The following AGAP1 variants were observed in gnomAD, a reference collection of about 807,000 sequenced individuals.
The protein encoded by AGAP1 is arf-GAP with GTPase, ANK repeat and PH domain-containing protein 1.
Under a neutral mutation model 105.3 loss-of-function variants are expected in AGAP1, and 29 were observed. The ratio of observed to expected loss-of-function variants is 0.28; its 90% CI spans 0.21 to 0.38. The LOEUF (loss-of-function observed/expected upper bound fraction) is 0.38. Among genes scored for constraint, AGAP1 ranks in the 10% least tolerant of loss-of-function variants. The pLI is 1.00. For synonymous variants in AGAP1, 509 were observed against 485.9 expected, an observed-to-expected ratio of 1.05 and a Z score of -0.63; for missense variants, 998 against 1,165.1, an observed-to-expected ratio of 0.86 and a Z score of 2.09.
chr2:236,052,934 G>T (rs2057947413), intron 16 of AGAP1, among the ~76,000 whole-genome samples: 1 of 152,240 alleles, frequency 6.6e-6, no homozygotes. Context: ...AAGTGGGGAT[G>T]TTGAAGTGGT....
At position 235,609,600 on chromosome 2, in the gene AGAP1, G is replaced by C. The variant is rs1946059942; in HGVS notation, c.164-99579G>C. Among the ~76,000 whole-genome samples the C allele has an allele frequency of 6.6e-6, 1 of 152,236 alleles. No homozygotes were observed. Among genetic ancestry groups the C allele is most frequent in the South Asian group, 2.1e-4 (1 of 4,818 alleles). On this transcript the variant is annotated intron_variant, in intron 1 of 17. Transcript: ENST00000304032. This position sits in a 1 kb window ranked among gnomAD's most constrained non-coding sequence, Gnocchi z 5.1. ...ACTTTGACCCCGGACCTGCATGCGC[G>C]CTGAGGATGGCAGAGGGGCTCCTGC... is the stretch of plus-strand genomic sequence containing the variant.
In AGAP1 at chr2:235,635,476, T is replaced by C. The variant is rs1946966043; in HGVS notation, c.164-73703T>C. 6.6e-6 allele frequency among the ~76,000 whole-genome samples: 1 copy of C among 152,174 alleles called. No homozygotes were observed. Among genetic ancestry groups the C allele is most frequent in the Admixed American group, 6.6e-5 (1 of 15,264 alleles). Reference sequence around the variant, plus strand: ...TTTTGGTGTGGTGAATTCGTTCTTTTATTCATCATCCAAAAAGTTCCATTG... The same window carrying C: ...TTTTGGTGTGGTGAATTCGTTCTTTCATTCATCATCCAAAAAGTTCCATTG... On this transcript the variant is annotated intron_variant, in intron 1 of 17. Coordinates refer to ENST00000304032, the MANE Select transcript of AGAP1 (RefSeq NM_001037131.3). This position sits in a 1 kb window ranked among gnomAD's most constrained non-coding sequence, Gnocchi z 5.3.
In AGAP1 at chr2:235,994,134, C is replaced by G. The variant is rs1575997480; in HGVS notation, c.1645+25511C>G. ...ATCATGCCCAGGTTAGGCACTCTTT[C>G]TGTATTCCCCAAAGCTTCATAACAT... On this transcript the variant is annotated intron_variant, in intron 13 of 17. Coordinates refer to ENST00000304032, the MANE Select transcript of AGAP1 (RefSeq NM_001037131.3). This position sits in a 1 kb window ranked among gnomAD's most constrained non-coding sequence, Gnocchi z 4.4. Among the ~76,000 whole-genome samples, 1 of 152,302 alleles carries G rather than the reference C, an allele frequency of 6.6e-6. No individual in the cohort carries two copies. Among genetic ancestry groups the G allele is most frequent in the Middle Eastern group, 3.4e-3 (1 of 294 alleles).
At chr2:235,500,920 G>A (rs1437645327) in intron 1 of AGAP1, among the ~76,000 whole-genome samples, 1 of 152,144 alleles carries the variant, frequency 6.6e-6, no homozygotes, top group East Asian at 1.9e-4. Context: ...TTCAGAAAGC[G>A]TGCAGTTTAT....
chr2:236,045,700 G>A lies in AGAP1; in HGVS notation c.1892-3359G>A, dbSNP rs1315634964. Among the ~76,000 whole-genome samples the A allele has an allele frequency of 2.0e-5, 3 of 152,362 alleles. No homozygotes were observed. Among genetic ancestry groups the A allele is most frequent in the East Asian group, 1.9e-4 (1 of 5,180 alleles). The stretch of plus-strand genomic sequence containing the variant: ...AGGAGGCTGGGATCAGCCACAGGCC[G>A]AGGTTCTCCACCCAGGCCGAGACAC... On this transcript the variant is annotated intron_variant, in intron 15 of 17. Coordinates refer to ENST00000304032, the MANE Select transcript of AGAP1 (RefSeq NM_001037131.3). This position sits in a 1 kb window ranked among gnomAD's most constrained non-coding sequence, Gnocchi z 6.9.
rs181348980 is a variant in AGAP1, at chr2:235,904,166, T to A, written c.1156-4572T>A. On this transcript the variant is annotated intron_variant, in intron 10 of 17. Transcript: ENST00000304032. This position sits in a 1 kb window ranked among gnomAD's most constrained non-coding sequence, Gnocchi z 4.2. The stretch of plus-strand genomic sequence containing the variant: ...AATTGCTTGACTATGTGAAAAGAAA[T>A]CACATTAATGCAGCTAATTAAGTGT... Among the ~76,000 whole-genome samples, 4 of 152,282 alleles carry A rather than the reference T, an allele frequency of 2.6e-5. No homozygotes were observed. The highest frequency in any genetic ancestry group is 5.9e-5 in the Non-Finnish European group (4 of 68,024).
At chr2:235,856,863 T>C (rs2106482235) in intron 9 of AGAP1, among the ~76,000 whole-genome samples, 1 of 152,386 alleles carries the variant, frequency 6.6e-6, no homozygotes, top group East Asian at 1.9e-4. Context: ...CCAGCCACTG[T>C]CGTGAGCTCA....
intron 1 of AGAP1, chr2:235,669,686 C>G (rs1948266818): frequency 6.7e-6 from 1 of 148,896 alleles, no homozygotes; most frequent in South Asian, 1.8e-4. Context: ...CCGCGCGTCC[C>G]GGAGCCCAGG....
At chr2:235,823,890 T>G (rs1468161073) in intron 9 of AGAP1, among the ~76,000 whole-genome samples, 1 of 152,190 alleles carries the variant, frequency 6.6e-6, no homozygotes. Context: ...CCAGCAGTCC[T>G]GTGAGGCTAG....
chr2:235,833,000 G>C (rs1043492368), intron 9 of AGAP1, among the ~76,000 whole-genome samples: 1 of 152,212 alleles, frequency 6.6e-6, no homozygotes, highest in Non-Finnish European at 1.5e-5. Context: ...CTCTGAGACT[G>C]TGTGACATCT....
At position 236,120,235 on chromosome 2, in the gene AGAP1, C is replaced by T. The variant is rs1559295185; in HGVS notation, c.2158C>T (p.Leu720Phe). The T allele has an allele frequency of 6.2e-7, 1 of 1,613,332 alleles. No homozygotes were observed. The change falls in exon 17 of 18, where the codon CTC becomes TTC. Residue 720 changes from leucine (L) to phenylalanine (F), a missense_variant. Around this residue, in one of 3 missense-constraint regions of AGAP1, gnomAD observed 235 missense variants for 270.7 expected, o/e 0.87. Coordinates refer to ENST00000304032, the MANE Select transcript of AGAP1 (RefSeq NM_001037131.3). This position sits in a 1 kb window ranked among gnomAD's most constrained non-coding sequence, Gnocchi z 6.0. ...RWIRAKYEQK[L>F]FLAPLPCTEL... Reference sequence around the variant, plus strand: ...GATCCGTGCCAAGTACGAGCAGAAGCTCTTCCTGGCCCCGCTGCCCTGCAC... The same window carrying T: ...GATCCGTGCCAAGTACGAGCAGAAGTTCTTCCTGGCCCCGCTGCCCTGCAC...
rs2055456728 is a variant in AGAP1 at position 235,989,303 on chromosome 2, C to T, written c.1645+20680C>T. On this transcript the variant is annotated intron_variant, in intron 13 of 17. Transcript: ENST00000304032. The surrounding 1 kb of genome is among the most constrained non-coding windows in gnomAD (Gnocchi z 4.4). ...GTGTGGCTTCACCCAGCTCCTCTGCCCATCTGGTGACTTTGCAAGCTCACA... is the reference window on the plus strand; with the variant it reads ...GTGTGGCTTCACCCAGCTCCTCTGCTCATCTGGTGACTTTGCAAGCTCACA... Among the ~76,000 whole-genome samples, 1 of 152,146 alleles carries T rather than the reference C, an allele frequency of 6.6e-6. No homozygotes were observed. The highest frequency in any genetic ancestry group is 6.5e-5 in the Admixed American group (1 of 15,276).
intron 9 of AGAP1, among the ~76,000 whole-genome samples, chr2:235,840,501 A>G (rs1418215133): frequency 6.6e-6 from 1 of 152,174 alleles, no homozygotes; most frequent in Non-Finnish European, 1.5e-5. Context: ...GTCAGATCTC[A>G]ATACTCGTGG....
chr2:235,538,460 T>TGTGTGTGTGTGTGTGTGTGTGCGC (rs1553561884), intron 1 of AGAP1, among the ~76,000 whole-genome samples: 4 of 150,444 alleles, frequency 2.7e-5, no homozygotes, highest in African/African-American at 1.0e-4. Flanking sequence ...TGTGTGTGTG[T>TGTGTGTGTGTGTGTGTGTGTGCGC]GCATGCTTGT....
At chr2:235,521,510 A>G (rs567711954) in intron 1 of AGAP1, among the ~76,000 whole-genome samples, 17 of 151,814 alleles carry the variant, frequency 1.1e-4, no homozygotes, top group Admixed American at 2.6e-4. Context: ...TCTTTTAAAT[A>G]TAAGCAAATA....
At chr2:235,857,539 T>C (rs1430089849) in intron 9 of AGAP1, among the ~76,000 whole-genome samples, 1 of 152,206 alleles carries the variant, frequency 6.6e-6, no homozygotes, top group Non-Finnish European at 1.5e-5. Flanking sequence ...CCCACCCTGA[T>C]TGCAGCTGTT....
chr2:235,750,495 G>A lies in AGAP1; in HGVS notation c.673+7G>A, dbSNP rs760978302. The A allele has an allele frequency of 4.9e-5, 79 of 1,614,000 alleles. No homozygotes were observed. The highest frequency in any genetic ancestry group is 6.5e-5 in the Non-Finnish European group (77 of 1,179,974). On this transcript the variant is annotated splice_region_variant and intron_variant, in intron 6 of 17. Transcript: ENST00000304032. This position sits in a 1 kb window ranked among gnomAD's most constrained non-coding sequence, Gnocchi z 5.3. ...GAGAGGGTCTTCCAGGACGGTAAATGCGCGTGGCTGGGAGTTTAATTTCAG... is the reference window on the plus strand; with the variant it reads ...GAGAGGGTCTTCCAGGACGGTAAATACGCGTGGCTGGGAGTTTAATTTCAG...
Position 235,586,496 on chromosome 2 carries a change from C to T in AGAP1, c.163+91647C>T, listed in dbSNP as rs1945116811. Among the ~76,000 whole-genome samples, 1 of 152,204 alleles carries T rather than the reference C, an allele frequency of 6.6e-6. No homozygotes were observed. The highest frequency in any genetic ancestry group is 1.5e-5 in the Non-Finnish European group (1 of 68,044). On this transcript the variant is annotated intron_variant, in intron 1 of 17. Transcript: ENST00000304032. The surrounding 1 kb of genome is among the most constrained non-coding windows in gnomAD (Gnocchi z 4.2). ...GTTGGATTCACAGCAGTCAAGGCTG[C>T]CACGAGCAAGTATTTTGAGTGCTCC...
At chr2:235,898,024 C>T (rs992917920) in intron 10 of AGAP1, among the ~76,000 whole-genome samples, 10 of 152,188 alleles carry the variant, frequency 6.6e-5, no homozygotes, top group Non-Finnish European at 1.5e-4. Context: ...GCAGCCCCCT[C>T]GATGGCTGGG....
Sources: allele counts gnomAD v4.1 joint callset (sites outside exome capture counted in the v4.1 genomes callset), GRCh38; gene constraint gnomAD v4.1.1; regional missense constraint gnomAD v4.1.1; non-coding constraint Gnocchi (gnomAD v3.1); transcripts MANE v1.5; gene names NCBI Gene and HGNC (gene_info 2026-07-23, HGNC 2026-07-21).